The following HPN variants were observed in gnomAD, a reference collection of about 807,000 sequenced individuals.
The protein encoded by HPN is hepsin.
HPN carries 13 observed loss-of-function variants against 55.9 expected under a neutral mutation model. The ratio of observed to expected loss-of-function variants is 0.23; its 90% CI spans 0.15 to 0.37. HPN has a LOEUF of 0.37. HPN is among the 10% of genes least tolerant of loss of function. The pLI, the probability that HPN is intolerant of heterozygous loss-of-function variation, is 1.00. For synonymous variants in HPN, 225 were observed against 240.3 expected (o/e 0.94, Z 0.59); for missense variants, 451 against 575.8 (o/e 0.78, Z 2.22).
chr19:35,065,151 A>T, intron 9 of HPN, 99 bp from the exon 10 acceptor site: 3 of 723,034 alleles, frequency 4.1e-6, no homozygotes, highest in Non-Finnish European at 6.9e-6. Context: ...AAGAACAGAG[A>T]GGGCAGGGTG....
chr19:35,058,836 A>T (rs1330705753), intron 4 of HPN, among the ~76,000 whole-genome samples: 2 of 151,984 alleles, frequency 1.3e-5, no homozygotes, highest in Non-Finnish European at 2.9e-5. Context: ...AATGACAAAC[A>T]TACTAATAAA....
chr19:35,060,478 G>C lies in HPN; in HGVS notation c.586G>C (p.Asp196His). ...CTGTGGGGGATCCCTGCTCTCCGGG[G>C]ACTGGGTGCTGACAGCCGCCCACTG... ...HLCGGSLLSG[D>H]WVLTAAHCFP... Residue 196 changes from aspartate to histidine, a missense_variant, in exon 8 of 13, where the codon GAC (aspartate) becomes CAC (histidine). By Grantham distance (81) the Asp-to-His change is moderately conservative (BLOSUM62 -1). This residue lies in a region of HPN where 378 missense variants were observed against 445.5 expected (regional missense o/e 0.85). Coordinates refer to ENST00000672452, the MANE Select transcript of HPN (RefSeq NM_001384133.1). 12 of 1,613,354 alleles carry C rather than the reference G, an allele frequency of 7.4e-6. No individual in the cohort carries two copies. The highest frequency in any genetic ancestry group is 9.3e-6 in the Non-Finnish European group (11 of 1,179,986).
At chr19:35,051,582 TGACTTGCCCCAG>T (rs2064405828) in intron 4 of HPN, among the ~76,000 whole-genome samples, 1 of 151,952 alleles carries the variant, frequency 6.6e-6, no homozygotes, top group Non-Finnish European at 1.5e-5. Context: ...AAAGGCTGAG[TGACTTGCCCCAG>T]GTCATGGAGC....
At chr19:35,045,769 G>C (rs371241719) in intron 2 of HPN, among the ~76,000 whole-genome samples, 128 of 142,046 alleles carry the variant, frequency 9.0e-4, no homozygotes, top group Middle Eastern at 3.7e-3. Flanking sequence ...GTCCCACACC[G>C]TGGGCCAGAT....
chr19:35,062,032 T>C (rs752543068), intron 9 of HPN, among the ~76,000 whole-genome samples: 8 of 147,774 alleles, frequency 5.4e-5, no homozygotes, highest in Non-Finnish European at 1.0e-4. Flanking sequence ...TACTCCAGCC[T>C]GGGTAACAGA....
intron 4 of HPN, among the ~76,000 whole-genome samples, chr19:35,054,969 G>A (rs1167466007): frequency 3.9e-5 from 6 of 152,216 alleles, no homozygotes; most frequent in East Asian, 1.9e-4. Flanking sequence ...CATTTGACTC[G>A]GTTTCCCAGA....
At chr19:35,062,797 C>G (rs1473703694) in intron 9 of HPN, among the ~76,000 whole-genome samples, 1 of 152,102 alleles carries the variant, frequency 6.6e-6, no homozygotes, top group Non-Finnish European at 1.5e-5. Context: ...AGGAGAATCA[C>G]CTGATCACCC....
intron 4 of HPN, among the ~76,000 whole-genome samples, chr19:35,053,016 G>T (rs1412854541): frequency 6.6e-6 from 1 of 152,110 alleles, no homozygotes; most frequent in Non-Finnish European, 1.5e-5. Context: ...CCCCAAGCTT[G>T]TATCCCCACC....
At chr19:35,056,337 G>C (rs2064455031) in intron 4 of HPN, among the ~76,000 whole-genome samples, 2 of 152,158 alleles carry the variant, frequency 1.3e-5, no homozygotes, top group Non-Finnish European at 2.9e-5. Flanking sequence ...TGAGCTTTGA[G>C]TTCCACAGGG....
intron 1 of HPN, 119 bp from the exon 2 acceptor site, chr19:35,042,334 T>C: frequency 1.4e-6 from 2 of 1,420,812 alleles, no homozygotes; most frequent in Non-Finnish European, 1.8e-6. Context: ...GATCACGGCG[T>C]GCTCTGGCCA....
At chr19:35,041,030 C>T (rs923426138), upstream of HPN, among the ~76,000 whole-genome samples, 8 of 152,204 alleles carry the variant, frequency 5.3e-5, no homozygotes, top group South Asian at 2.1e-4. Context: ...CTGGGTCTGA[C>T]GTGGGCCGCG....
intron 1 of HPN, chr19:35,042,108 C>G (rs750370811): frequency 3.7e-5 from 41 of 1,108,990 alleles, no homozygotes; most frequent in Non-Finnish European, 4.6e-5. Flanking sequence ...TCAGGCCCCT[C>G]CTCCCTCATA....
At chr19:35,046,620 A>T (rs572892308) in intron 2 of HPN, among the ~76,000 whole-genome samples, 2 of 152,240 alleles carry the variant, frequency 1.3e-5, no homozygotes, top group African/African-American at 2.4e-5. Flanking sequence ...GCTCTGTTCC[A>T]GGTGCTGGCC....
At chr19:35,060,299 T>C (rs747495400) in intron 7 of HPN, 48 bp from the exon 8 acceptor site, 13 of 1,606,894 alleles carry the variant, frequency 8.1e-6, no homozygotes, top group Non-Finnish European at 3.4e-6. Flanking sequence ...TCTGGGGACC[T>C]GGGCTCCAGT....
chr19:35,049,165 C>G (rs1486879191), intron 2 of HPN, 125 bp from the exon 3 acceptor site: 1 of 591,498 alleles, frequency 1.7e-6, no homozygotes. Flanking sequence ...GGAAACTGGG[C>G]CTGGGGAGGA....
rs138470197 is a variant in HPN, at chr19:35,059,992, G to A, written c.409G>A (p.Val137Met). The change falls in exon 6 of 13, where the codon GTG becomes ATG. Residue 137 changes from valine to methionine, a missense_variant. Around this residue, in one of 2 missense-constraint regions of HPN, gnomAD observed 378 missense variants for 445.5 expected, o/e 0.85. Transcript: ENST00000672452. ...CCAGAGGCTGCTGGAGGTCATCTCC[G>A]TGTGGTGAGGAGGGCAGCGGGCAGG... is the stretch of plus-strand genomic sequence containing the variant. Reference protein sequence around the residue: ...HTQRLLEVISVCDCPRGRFLA... With the variant: ...HTQRLLEVISMCDCPRGRFLA... 3 of 1,583,148 alleles carry A rather than the reference G, an allele frequency of 1.9e-6. No individual in the cohort carries two copies. The highest frequency in any genetic ancestry group is 1.7e-5 in the Admixed American group (1 of 57,862).
At chr19:35,046,669 A>G (rs2064345344) in intron 2 of HPN, among the ~76,000 whole-genome samples, 1 of 152,206 alleles carries the variant, frequency 6.6e-6, no homozygotes, top group African/African-American at 2.4e-5. Flanking sequence ...ATGGGTGCAG[A>G]TGGGCGAGCT....
intron 9 of HPN, 118 bp from the exon 10 acceptor site, chr19:35,065,129 GTTT>G: frequency 1.7e-6 from 1 of 582,516 alleles, no homozygotes. Context: ...GCCTATTGTG[GTTT>G]TTTTTTTAAA....
chr19:35,052,534 CAAAAAA>C (rs5827918), intron 4 of HPN, among the ~76,000 whole-genome samples: 1 of 84,562 alleles, frequency 1.2e-5, no homozygotes, highest in Non-Finnish European at 2.4e-5. Flanking sequence ...GAGTCTGTCT[CAAAAAA>C]AAAAAAAAAA....
Sources: allele counts gnomAD v4.1 joint callset (sites outside exome capture counted in the v4.1 genomes callset), GRCh38; gene constraint gnomAD v4.1.1; regional missense constraint gnomAD v4.1.1; transcripts MANE v1.5; gene names NCBI Gene and HGNC (gene_info 2026-07-23, HGNC 2026-07-21).